AKAP6: variants seen among roughly 807,000 people sequenced by gnomAD.
AKAP6 encodes the protein A-kinase anchoring protein 6, also known as A-kinase anchor protein 6.
Under a neutral mutation model 188.5 loss-of-function variants are expected in AKAP6, and 58 were observed. The ratio of observed to expected loss-of-function variants is 0.31; its 90% CI spans 0.25 to 0.38. AKAP6 has a LOEUF of 0.38. Among genes scored for constraint, AKAP6 ranks in the 10% least tolerant of loss-of-function variants. AKAP6 has a pLI of 1.00. For synonymous variants in AKAP6, 989 were observed against 998.6 expected, an observed-to-expected ratio of 0.99 and a Z score of 0.18; for missense variants, 2,710 against 2,740.0, an observed-to-expected ratio of 0.99 and a Z score of 0.24.
In AKAP6 at chr14:32,804,626, A is replaced by G. The variant is rs543941638; in HGVS notation, c.3589-16776A>G. ...ATTGTCTTGATAAACATCTTAAACA[A>G]CAGAAAACAGAGTTCGAGAGCAGAG... On this transcript the variant is annotated intron_variant, in intron 12 of 13. Transcript: ENST00000280979. Among the ~76,000 whole-genome samples, 3 of 152,268 alleles carry G rather than the reference A, an allele frequency of 2.0e-5. No individual in the cohort carries two copies. In the South Asian group the frequency reaches 6.2e-4, roughly 32 times the overall value.
chr14:32,345,590 G>A (rs1258522479), intron 1 of AKAP6, among the ~76,000 whole-genome samples: 3 of 152,312 alleles, frequency 2.0e-5, no homozygotes, highest in South Asian at 2.1e-4. Flanking sequence ...GTCAAAAGCG[G>A]TTCCTAGAGA....
At chr14:32,373,053 A>C (rs780736743) in intron 1 of AKAP6, among the ~76,000 whole-genome samples, 3 of 151,582 alleles carry the variant, frequency 2.0e-5, no homozygotes, top group Non-Finnish European at 4.4e-5. Flanking sequence ...TGACGGTTCT[A>C]GCTCTTTATA....
At chr14:32,614,866 C>T (rs1221420127) in intron 7 of AKAP6, among the ~76,000 whole-genome samples, 1 of 151,872 alleles carries the variant, frequency 6.6e-6, no homozygotes, top group Non-Finnish European at 1.5e-5. Context: ...GAAAGGTTTT[C>T]TTTCTCAAAA....
chr14:32,561,351 A>G (rs1009534206), intron 4 of AKAP6, among the ~76,000 whole-genome samples: 1 of 152,190 alleles, frequency 6.6e-6, no homozygotes, highest in African/African-American at 2.4e-5. Flanking sequence ...TAGCATCGTG[A>G]CCTTGGAAAT....
intron 9 of AKAP6, among the ~76,000 whole-genome samples, chr14:32,714,429 G>A (rs911656378): frequency 2.6e-5 from 4 of 151,856 alleles, no homozygotes; most frequent in Non-Finnish European, 5.9e-5. Flanking sequence ...AACCAAGTAT[G>A]CCTGTATTTT....
chr14:32,539,018 G>A (rs1411935012), intron 3 of AKAP6, among the ~76,000 whole-genome samples: 2 of 151,570 alleles, frequency 1.3e-5, no homozygotes, highest in African/African-American at 2.4e-5. Context: ...CTATTTATTG[G>A]TTTCTTACTA....
chr14:32,709,056 A>C (rs985153815), intron 9 of AKAP6, among the ~76,000 whole-genome samples: 2 of 152,078 alleles, frequency 1.3e-5, no homozygotes, highest in South Asian at 4.1e-4. Context: ...AATACCGCAA[A>C]AGAATTCAAA....
At chr14:32,767,614 T>C (rs1442331018) in intron 11 of AKAP6, among the ~76,000 whole-genome samples, 2 of 152,102 alleles carry the variant, frequency 1.3e-5, no homozygotes, top group Non-Finnish European at 2.9e-5. Context: ...TGAACTTCCA[T>C]CTTGTTTTAA....
At chr14:32,497,184 T>G (rs1273252405) in intron 2 of AKAP6, among the ~76,000 whole-genome samples, 1 of 152,118 alleles carries the variant, frequency 6.6e-6, no homozygotes, top group Non-Finnish European at 1.5e-5. Flanking sequence ...GCATAGTATC[T>G]TAGTGTTCTT....
chr14:32,362,717 G>A lies in AKAP6; in HGVS notation c.-35+33309G>A, dbSNP rs145009530. On this transcript the variant is annotated intron_variant, in intron 1 of 13. Coordinates refer to ENST00000280979, the MANE Select transcript of AKAP6 (RefSeq NM_004274.5). ...AGAGGGGAGGTAGGACATGGGACTG[G>A]AGAGGTGAGTTGGAGCCATCCTAAG... Among the ~76,000 whole-genome samples, 488 of 152,308 alleles carry A rather than the reference G, an allele frequency of 3.2e-3. 5 individuals carry two copies. The highest frequency in any genetic ancestry group is 4.8e-3 in the Non-Finnish European group (329 of 68,018).
chr14:32,743,986 G>A (rs1019087929), intron 11 of AKAP6, among the ~76,000 whole-genome samples: 1 of 152,130 alleles, frequency 6.6e-6, no homozygotes, highest in African/African-American at 2.4e-5. Flanking sequence ...AAATCCCTCA[G>A]CTTTTGTTTG....
intron 2 of AKAP6, among the ~76,000 whole-genome samples, chr14:32,443,823 A>G (rs1594619732): frequency 1.3e-5 from 2 of 152,154 alleles, no homozygotes; most frequent in East Asian, 3.8e-4. Context: ...TATGCTGCCC[A>G]TCTATGGTTT....
intron 7 of AKAP6, among the ~76,000 whole-genome samples, chr14:32,662,789 G>A (rs1888758778): frequency 6.6e-6 from 1 of 152,086 alleles, no homozygotes; most frequent in South Asian, 2.1e-4. Flanking sequence ...TTGCTTAAGA[G>A]TTTTAGAATA....
intron 4 of AKAP6, among the ~76,000 whole-genome samples, chr14:32,574,110 G>A (rs958451866): frequency 6.6e-5 from 10 of 152,204 alleles, no homozygotes; most frequent in South Asian, 4.1e-4. Context: ...AAGGGAGGTC[G>A]AAAGCTAGAT....
At chr14:32,366,718 G>A (rs1424244487) in intron 1 of AKAP6, among the ~76,000 whole-genome samples, 1 of 152,150 alleles carries the variant, frequency 6.6e-6, no homozygotes, top group African/African-American at 2.4e-5. Context: ...GTGTGTGTGT[G>A]TGTATTGGGG....
At position 32,546,918 on chromosome 14, in the gene AKAP6, C is replaced by G; in HGVS notation, c.2265C>G (p.Ala755=). Residue 755 remains alanine (A), a synonymous_variant, in exon 4 of 14, where the codon GCC becomes GCG. Transcript: ENST00000280979. The part of the protein sequence containing the change: ...SSSEKNESHS[A]TKSALIQKLM... Reference sequence around the variant, plus strand: ...CTGAGAAAAATGAGAGCCATTCTGCCACTAAATCAGCTTTAATTCAGAAAC... The same window carrying G: ...CTGAGAAAAATGAGAGCCATTCTGCGACTAAATCAGCTTTAATTCAGAAAC... The G allele has an allele frequency of 6.2e-7, 1 of 1,613,290 alleles. No homozygotes were observed. Among genetic ancestry groups the G allele is most frequent in the Non-Finnish European group, 8.5e-7 (1 of 1,179,986 alleles).
At chr14:32,351,433 A>G (rs1016706407) in intron 1 of AKAP6, among the ~76,000 whole-genome samples, 2 of 152,186 alleles carry the variant, frequency 1.3e-5, no homozygotes, top group Admixed American at 1.3e-4. Flanking sequence ...GTGGTGGCAC[A>G]CACCTGTAGT....
intron 12 of AKAP6, among the ~76,000 whole-genome samples, chr14:32,793,595 C>T (rs1403712558): frequency 6.6e-6 from 1 of 152,014 alleles, no homozygotes; most frequent in Non-Finnish European, 1.5e-5. Flanking sequence ...TAACACCCCA[C>T]TGACACTACT....
chr14:32,433,908 T>C, intron 2 of AKAP6, 91 bp downstream of exon 2: 1 of 1,285,560 alleles, frequency 7.8e-7, no homozygotes, highest in Non-Finnish European at 1.1e-6. Context: ...AGTGAGGAAT[T>C]GTCCAGGAAG....
Sources: gnomAD v4.1 joint callset for allele counts (sites outside exome capture counted in the v4.1 genomes callset) on GRCh38, gnomAD v4.1.1 for gene constraint, MANE v1.5 for transcripts, NCBI Gene and HGNC (gene_info 2026-07-23, HGNC 2026-07-21) for gene names.